The following PRICKLE1 variants were observed in gnomAD, a reference collection of about 807,000 sequenced individuals.
The protein encoded by PRICKLE1 is prickle-like protein 1.
PRICKLE1 carries 14 observed loss-of-function variants against 70.2 expected under a neutral mutation model. That is an observed-to-expected ratio of 0.20 (90% CI 0.13 to 0.31). The LOEUF is 0.31. Among genes scored for constraint, PRICKLE1 ranks in the 10% least tolerant of loss-of-function variants. The pLI, the probability that PRICKLE1 is intolerant of heterozygous loss-of-function variation, is 1.00. For missense variants in PRICKLE1, 821 were observed against 1,026.2 expected (o/e 0.80, Z 2.73); for synonymous variants, 357 against 379.9 (o/e 0.94, Z 0.70).
chr12:42,551,037 C>A (rs1940305697), intron 1 of PRICKLE1, among the ~76,000 whole-genome samples: 1 of 152,100 alleles, frequency 6.6e-6, no homozygotes, highest in East Asian at 1.9e-4. Context: ...CCACAGTCAG[C>A]ACAAAAAAGC....
intron 1 of PRICKLE1, among the ~76,000 whole-genome samples, chr12:42,492,972 A>G (rs1939131159): frequency 6.6e-6 from 1 of 152,188 alleles, no homozygotes; most frequent in African/African-American, 2.4e-5. Context: ...TTCATATTTT[A>G]TCCTCCACAG....
chr12:42,564,918 A>G (rs1940596255), intron 1 of PRICKLE1, among the ~76,000 whole-genome samples: 1 of 152,248 alleles, frequency 6.6e-6, no homozygotes, highest in Non-Finnish European at 1.5e-5. Context: ...TTTAATTTGC[A>G]TTTATTTAAA....
intron 1 of PRICKLE1, among the ~76,000 whole-genome samples, chr12:42,494,998 A>G (rs961661414): frequency 6.6e-6 from 1 of 151,010 alleles, no homozygotes; most frequent in Admixed American, 6.6e-5. Flanking sequence ...GGGCTCAAGC[A>G]ATCCTCCTGC....
At chr12:42,527,128 C>CTTT (rs386376309) in intron 1 of PRICKLE1, among the ~76,000 whole-genome samples, 2,085 of 100,322 alleles carry the variant, frequency 0.021, 16 homozygotes, top group East Asian at 0.035. Context: ...TTTTTTTCCT[C>CTTT]TTTTTTTTTT....
intron 1 of PRICKLE1, among the ~76,000 whole-genome samples, chr12:42,583,147 ACGTGTG>A (rs1566136201): frequency 1.1e-5 from 1 of 94,276 alleles, no homozygotes; most frequent in East Asian, 3.1e-4. Context: ...TTAGATTGAA[ACGTGTG>A]TGTGTGTGTG....
intron 1 of PRICKLE1, among the ~76,000 whole-genome samples, chr12:42,537,188 G>A (rs1002207236): frequency 6.6e-6 from 1 of 151,878 alleles, no homozygotes; most frequent in Non-Finnish European, 1.5e-5. Context: ...ACCCAGGCTG[G>A]AGTGTAGTAC....
At chr12:42,550,637 T>G (rs1485139082) in intron 1 of PRICKLE1, among the ~76,000 whole-genome samples, 1 of 152,196 alleles carries the variant, frequency 6.6e-6, no homozygotes, top group East Asian at 1.9e-4. Context: ...TTGAACTGTT[T>G]TCAACTGCTA....
At chr12:42,533,138 A>G (rs1203936017) in intron 1 of PRICKLE1, among the ~76,000 whole-genome samples, 1 of 152,054 alleles carries the variant, frequency 6.6e-6, no homozygotes, top group African/African-American at 2.4e-5. Context: ...AAATCCATGA[A>G]TAAGAGAAAA....
intron 1 of PRICKLE1, among the ~76,000 whole-genome samples, chr12:42,478,497 TACCA>T (rs1215701282): frequency 1.3e-5 from 2 of 152,164 alleles, no homozygotes; most frequent in Non-Finnish European, 2.9e-5. Flanking sequence ...TTTTAACAGC[TACCA>T]CCACCATCAA....
chr12:42,515,522 C>T (rs770775879), intron 1 of PRICKLE1, among the ~76,000 whole-genome samples: 5 of 152,172 alleles, frequency 3.3e-5, no homozygotes, highest in South Asian at 2.1e-4. Context: ...CGTGAGCCAC[C>T]GTGCCCAGCC....
At chr12:42,469,650 C>A (rs1440320790) in intron 3 of PRICKLE1, 63 bp from the exon 4 acceptor site, 1 of 1,606,204 alleles carries the variant, frequency 6.2e-7, no homozygotes. Flanking sequence ...CAGTTCTCTA[C>A]TTCCAGAGTT....
At chr12:42,518,918 G>T (rs1262520640) in intron 1 of PRICKLE1, among the ~76,000 whole-genome samples, 2 of 152,110 alleles carry the variant, frequency 1.3e-5, no homozygotes, top group Non-Finnish European at 2.9e-5. Flanking sequence ...CCACTATCAG[G>T]TACACTTTCC....
chr12:42,545,862 A>AG (rs1940199549), intron 1 of PRICKLE1, among the ~76,000 whole-genome samples: 1 of 142,550 alleles, frequency 7.0e-6, no homozygotes, highest in Admixed American at 7.9e-5. Context: ...AAAAGAAAAA[A>AG]AAAAAATATA....
chr12:42,525,445 A>C (rs999928840), intron 1 of PRICKLE1, among the ~76,000 whole-genome samples: 3 of 152,224 alleles, frequency 2.0e-5, no homozygotes, highest in Admixed American at 6.5e-5. Flanking sequence ...CAGGTAAAAC[A>C]ACTTGGGGCT....
In PRICKLE1 at chr12:42,521,676, G is replaced by T. The variant is rs560998816; in HGVS notation, c.-48-49112C>A. Among the ~76,000 whole-genome samples the T allele has an allele frequency of 5.3e-5, 8 of 152,178 alleles. No individual in the cohort carries two copies. The East Asian group carries it at 1.5e-3, about 29-fold the overall frequency. On this transcript the variant is annotated intron_variant, in intron 1 of 7. Coordinates refer to ENST00000345127, the MANE Select transcript of PRICKLE1 (RefSeq NM_153026.3). ...AGATTGCACCACTGCACTCCAGCTT[G>T]GGTGACAGAGTGAGACCTTGTCTCA... is the stretch of plus-strand genomic sequence containing the variant.
chr12:42,518,106 T>G (rs1939641339), intron 1 of PRICKLE1, among the ~76,000 whole-genome samples: 1 of 151,760 alleles, frequency 6.6e-6, no homozygotes, highest in South Asian at 2.1e-4. Flanking sequence ...TCTGAGGATT[T>G]TTTTTTTTTT....
intron 5 of PRICKLE1, among the ~76,000 whole-genome samples, chr12:42,467,671 G>A (rs1011515435): frequency 2.2e-4 from 33 of 152,208 alleles, no homozygotes; most frequent in Non-Finnish European, 4.0e-4. Flanking sequence ...ACTTGAACAC[G>A]CGGGGCGGAG....
chr12:42,549,772 C>T (rs1940280412), intron 1 of PRICKLE1, among the ~76,000 whole-genome samples: 1 of 152,204 alleles, frequency 6.6e-6, no homozygotes, highest in Non-Finnish European at 1.5e-5. Context: ...CTTAGCAAAG[C>T]TCCAAAGGGC....
rs1368338604 is a variant in PRICKLE1 at position 42,506,715 on chromosome 12, G to A, written c.-48-34151C>T. On this transcript the variant is annotated intron_variant, in intron 1 of 7. Transcript: ENST00000345127. ...TCAGCCCTGAGCAGCTGGGATTATA[G>A]GTACCCACCACCATGCCCGGCTAAT... 1.3e-5 allele frequency among the ~76,000 whole-genome samples: 2 copies of A among 151,198 alleles called. 1 individual carries two copies. Among genetic ancestry groups the A allele is most frequent in the South Asian group, 4.2e-4 (2 of 4,790 alleles).
Sources: allele counts gnomAD v4.1 joint callset (sites outside exome capture counted in the v4.1 genomes callset), GRCh38; gene constraint gnomAD v4.1.1; transcripts MANE v1.5; gene names NCBI Gene and HGNC (gene_info 2026-07-23, HGNC 2026-07-21).